The following RBFOX1 variants were observed in gnomAD, a reference collection of about 807,000 sequenced individuals.
The protein encoded by RBFOX1 is RNA binding fox-1 homolog 1.
RBFOX1 carries 8 observed loss-of-function variants against 57.7 expected under a neutral mutation model. The ratio of observed to expected loss-of-function variants is 0.14; its 90% CI spans 0.08 to 0.25. RBFOX1 has a LOEUF of 0.25. Among genes scored for constraint, RBFOX1 ranks in the 10% least tolerant of loss-of-function variants. RBFOX1 has a pLI of 1.00. For missense variants in RBFOX1, 611 were observed against 548.5 expected, an observed-to-expected ratio of 1.11 and a Z score of -1.14; for synonymous variants, 326 against 222.4, an observed-to-expected ratio of 1.47 and a Z score of -4.15.
intron 2 of RBFOX1, among the ~76,000 whole-genome samples, chr16:6,335,549 G>A (rs2083525906): frequency 6.6e-6 from 1 of 151,992 alleles, no homozygotes; most frequent in Non-Finnish European, 1.5e-5. Context: ...GGAGGCCGAG[G>A]CTGGTGGATC....
intron 3 of RBFOX1, among the ~76,000 whole-genome samples, chr16:5,721,022 G>T (rs2051911115): frequency 6.6e-6 from 1 of 151,878 alleles, no homozygotes; most frequent in African/African-American, 2.4e-5. Flanking sequence ...AATTTGAGAG[G>T]TATTTTCATT....
intron 3 of RBFOX1, among the ~76,000 whole-genome samples, chr16:6,907,619 G>A (rs1421209041): frequency 2.0e-5 from 3 of 152,118 alleles, no homozygotes; most frequent in South Asian, 2.1e-4. Flanking sequence ...TGCCCAGGCT[G>A]GATTGCAGTG....
rs369616746 is a variant in RBFOX1 at position 6,649,446 on chromosome 16, G to C, written c.-63-5157G>C. 9.2e-5 allele frequency among the ~76,000 whole-genome samples: 14 copies of C among 152,268 alleles called. No individual in the cohort carries two copies. In the Middle Eastern group the frequency reaches 0.01, roughly 111 times the overall value. On this transcript the variant is annotated intron_variant, in intron 2 of 15. Coordinates refer to ENST00000550418, the MANE Select transcript of RBFOX1 (RefSeq NM_018723.4). ...CAAGTTCTTCAGTGGTGGTTTCTGA[G>C]ATTTTAATGCACCCATCACCCAAGC...
At chr16:7,227,285 A>ACCCCCCCCCCCCCCCCCCCC (rs1284183490) in intron 4 of RBFOX1, among the ~76,000 whole-genome samples, 4 of 73,298 alleles carry the variant, frequency 5.5e-5, no homozygotes, top group Admixed American at 3.6e-4. Context: ...CACACACCCC[A>ACCCCCCCCCCCCCCCCCCCC]CCCCACCCCC....
At chr16:6,194,878 C>T (rs1390785173) in intron 1 of RBFOX1, among the ~76,000 whole-genome samples, 1 of 152,164 alleles carries the variant, frequency 6.6e-6, no homozygotes, top group Non-Finnish European at 1.5e-5. Context: ...GTACTAGGTG[C>T]TTAATATCTG....
At chr16:6,225,027 A>G (rs2097405836) in intron 1 of RBFOX1, among the ~76,000 whole-genome samples, 1 of 144,580 alleles carries the variant, frequency 6.9e-6, no homozygotes, top group Non-Finnish European at 1.5e-5. Flanking sequence ...CTCAAAAAAA[A>G]AAAAAAAAAA....
At chr16:6,641,691 C>T (rs988862461) in intron 2 of RBFOX1, among the ~76,000 whole-genome samples, 3 of 127,398 alleles carry the variant, frequency 2.4e-5, no homozygotes, top group African/African-American at 8.9e-5. Context: ...GCTGAGATGG[C>T]ACCACCGCAA....
At chr16:6,788,700 C>A (rs2082389987) in intron 3 of RBFOX1, among the ~76,000 whole-genome samples, 1 of 151,854 alleles carries the variant, frequency 6.6e-6, no homozygotes, top group Non-Finnish European at 1.5e-5. Flanking sequence ...TGGTCTCTAT[C>A]TCCTGATCTC....
At chr16:6,238,046 G>A (rs1443668448) in intron 1 of RBFOX1, among the ~76,000 whole-genome samples, 5 of 144,722 alleles carry the variant, frequency 3.5e-5, no homozygotes, top group African/African-American at 1.3e-4. Context: ...AGCTGAAATC[G>A]CGCCACTGTA....
intron 3 of RBFOX1, among the ~76,000 whole-genome samples, chr16:5,748,280 G>A (rs1406407738): frequency 6.6e-6 from 1 of 152,102 alleles, no homozygotes; most frequent in Non-Finnish European, 1.5e-5. Flanking sequence ...TTGCTGAGGA[G>A]TGCTTTACTT....
intron 1 of RBFOX1, chr16:5,366,545 T>C: frequency 2.5e-6 from 1 of 403,318 alleles, no homozygotes; most frequent in Non-Finnish European, 4.7e-6. Flanking sequence ...GTAGAAGATG[T>C]TAGAGCAGAA....
At chr16:7,377,468 C>T (rs1261971890) in intron 4 of RBFOX1, among the ~76,000 whole-genome samples, 1 of 152,182 alleles carries the variant, frequency 6.6e-6, no homozygotes, top group Non-Finnish European at 1.5e-5. Flanking sequence ...AATATGACAG[C>T]TTGGCTAACA....
intron 2 of RBFOX1, among the ~76,000 whole-genome samples, chr16:5,477,625 TAGTC>T (rs901654207): frequency 9.9e-5 from 15 of 152,200 alleles, no homozygotes; most frequent in African/African-American, 3.1e-4. Context: ...ATTTGATCCA[TAGTC>T]AGTATCTTAC....
chr16:5,868,368 C>A (rs555861757), intron 4 of RBFOX1, among the ~76,000 whole-genome samples: 1 of 152,290 alleles, frequency 6.6e-6, no homozygotes, highest in Non-Finnish European at 1.5e-5. Context: ...TTTTCAAGTT[C>A]AAGAAATTGC....
At chr16:5,324,492 C>G (rs1222170797) in intron 1 of RBFOX1, among the ~76,000 whole-genome samples, 1 of 152,054 alleles carries the variant, frequency 6.6e-6, no homozygotes, top group Non-Finnish European at 1.5e-5. Context: ...AATCCTAGCC[C>G]TGCCCCAAAC....
chr16:7,135,076 A>T (rs1371597273), intron 4 of RBFOX1, among the ~76,000 whole-genome samples: 1 of 152,218 alleles, frequency 6.6e-6, no homozygotes, highest in Admixed American at 6.5e-5. Context: ...TTAAAACTTC[A>T]CATTTGGTAA....
chr16:5,893,091 A>T (rs963959357), intron 4 of RBFOX1, among the ~76,000 whole-genome samples: 2 of 152,334 alleles, frequency 1.3e-5, no homozygotes, highest in East Asian at 3.9e-4. Context: ...GTCAGTATCA[A>T]ATGTGTATGC....
intron 11 of RBFOX1, among the ~76,000 whole-genome samples, chr16:7,637,813 G>A (rs1407370176): frequency 3.3e-5 from 5 of 152,206 alleles, no homozygotes; most frequent in African/African-American, 7.2e-5. Context: ...AGCAAGTGAC[G>A]TGCTCACTTC....
chr16:6,376,831 T>C (rs1006610783), intron 2 of RBFOX1, among the ~76,000 whole-genome samples: 5 of 152,086 alleles, frequency 3.3e-5, no homozygotes, highest in African/African-American at 1.2e-4. Context: ...AGGGAAGAAT[T>C]CTTGCTTTCC....
Sources: gnomAD v4.1 joint callset for allele counts (sites outside exome capture counted in the v4.1 genomes callset) on GRCh38, gnomAD v4.1.1 for gene constraint, MANE v1.5 for transcripts, NCBI Gene and HGNC (gene_info 2026-07-23, HGNC 2026-07-21) for gene names.